PTPN9: variants seen among roughly 807,000 people sequenced by gnomAD.
PTPN9 encodes tyrosine-protein phosphatase non-receptor type 9.
In PTPN9, 26 loss-of-function variants were observed where a neutral mutation model predicts 69.8. The observed-to-expected ratio is 0.37, with a 90% CI of 0.27 to 0.52. The LOEUF is 0.52. PTPN9 is among the 20% of genes least tolerant of loss of function. The pLI is 0.91. For synonymous variants in PTPN9, 274 were observed against 272.5 expected (o/e 1.01, Z -0.05); for missense variants, 549 against 740.3 (o/e 0.74, Z 3.00).
intron 1 of PTPN9, among the ~76,000 whole-genome samples, chr15:75,527,795 G>A (rs1283831748): frequency 6.6e-6 from 1 of 151,762 alleles, no homozygotes; most frequent in African/African-American, 2.4e-5. Context: ...GGCAGAGGTT[G>A]CAGTGAGCTG....
intron 9 of PTPN9, among the ~76,000 whole-genome samples, chr15:75,476,079 G>A (rs1444209957): frequency 1.3e-5 from 2 of 152,132 alleles, no homozygotes; most frequent in Non-Finnish European, 2.9e-5. Flanking sequence ...GAGAGGCCAA[G>A]GCTGCATTGA....
chr15:75,548,086 C>G (rs2075041639), intron 1 of PTPN9, among the ~76,000 whole-genome samples: 2 of 152,034 alleles, frequency 1.3e-5, no homozygotes, highest in Admixed American at 6.6e-5. Flanking sequence ...GTTGAGAAAA[C>G]AGATTTCGAA....
chr15:75,528,583 A>G (rs1287877540), intron 1 of PTPN9, among the ~76,000 whole-genome samples: 1 of 151,858 alleles, frequency 6.6e-6, no homozygotes, highest in Non-Finnish European at 1.5e-5. Context: ...TAGTAGAGAC[A>G]AGGTCTCACT....
intron 7 of PTPN9, among the ~76,000 whole-genome samples, chr15:75,497,807 A>G (rs969130623): frequency 2.0e-4 from 30 of 151,498 alleles, no homozygotes; most frequent in African/African-American, 7.3e-4. Flanking sequence ...TGTCTCAAAA[A>G]AAAAAAAAAA....
chr15:75,530,242 A>G (rs950959381), intron 1 of PTPN9, among the ~76,000 whole-genome samples: 6 of 143,842 alleles, frequency 4.2e-5, no homozygotes, highest in Non-Finnish European at 9.0e-5. Context: ...GAAAGAAAGA[A>G]AAAGAAAGGG....
In PTPN9 at chr15:75,578,882, G is replaced by T; in HGVS notation, c.-106C>A. 2.6e-6 allele frequency: 2 copies of T among 774,616 alleles called. No homozygotes were observed. The highest frequency in any genetic ancestry group is 3.4e-6 in the Non-Finnish European group (2 of 589,250). The allele number at this position is 774,616 out of a possible 1,614,324, so 48.0% of individuals were successfully genotyped here. On this transcript the variant is annotated 5_prime_UTR_variant, in exon 1 of 13. Transcript: ENST00000618819. ...CCCGCGCCTCAGCAGCCCGGGGCCG[G>T]CTCGCGCATAGTGTGGCCGGCAGGG...
intron 9 of PTPN9, among the ~76,000 whole-genome samples, chr15:75,477,698 T>A (rs1318372795): frequency 2.6e-5 from 4 of 152,086 alleles, no homozygotes; most frequent in African/African-American, 4.8e-5. Context: ...GACCTCCTCC[T>A]ATAGAACATT....
rs2074816451 is a variant in PTPN9 at position 75,505,790 on chromosome 15, C to T, written c.853G>A (p.Ala285Thr). 2 of 1,614,086 alleles carry T rather than the reference C, an allele frequency of 1.2e-6. No individual in the cohort carries two copies. Among genetic ancestry groups the T allele is most frequent in the Non-Finnish European group, 1.7e-6 (2 of 1,179,962 alleles). Residue 285 changes from alanine (A) to threonine (T), a missense_variant, in exon 7 of 13, where the codon GCT (alanine) becomes ACT (threonine). Ala to Thr is a moderately conservative substitution (Grantham distance 58). Transcript: ENST00000618819. Reference protein sequence around the residue: ...WDSVHVPGPHAMTIQELVDYV... With the variant: ...WDSVHVPGPHTMTIQELVDYV... ...TCCACCAACTCTTGGATGGTCATAG[C>T]ATGGGGACCTGGAACATGTACTGAG...
intron 8 of PTPN9, among the ~76,000 whole-genome samples, chr15:75,480,192 ACT>A (rs2074620454): frequency 1.3e-5 from 2 of 152,050 alleles, no homozygotes; most frequent in Admixed American, 1.3e-4. Context: ...AACTATTAAA[ACT>A]CTCAGAATAA....
At chr15:75,496,161 C>T (rs925310757) in intron 7 of PTPN9, among the ~76,000 whole-genome samples, 4 of 143,398 alleles carry the variant, frequency 2.8e-5, no homozygotes, top group Non-Finnish European at 3.0e-5. Context: ...AAAGGCTGGA[C>T]GTAGTGGTTC....
At chr15:75,532,031 T>A (rs2074966305) in intron 1 of PTPN9, among the ~76,000 whole-genome samples, 1 of 152,152 alleles carries the variant, frequency 6.6e-6, no homozygotes, top group Non-Finnish European at 1.5e-5. Context: ...TAAATCAATG[T>A]ATAAGTAGAA....
chr15:75,473,565 C>T, intron 10 of PTPN9, 124 bp downstream of exon 10: 1 of 823,800 alleles, frequency 1.2e-6, no homozygotes, highest in Non-Finnish European at 2.0e-6. Context: ...GCTGGGATTA[C>T]AGGCGTGAGC....
In PTPN9 at chr15:75,524,306, G is replaced by A. The variant is rs373284531; in HGVS notation, c.208-8C>T. ...TTCCTTCCTTCGAGTTTCCTAAAAAGGAAGCACAGCAAAATGTATTAATAT... is the reference window on the plus strand; with the variant it reads ...TTCCTTCCTTCGAGTTTCCTAAAAAAGAAGCACAGCAAAATGTATTAATAT... On this transcript the variant is annotated splice_region_variant and splice_polypyrimidine_tract_variant and intron_variant, in intron 2 of 12. Transcript: ENST00000618819. 3.8e-6 allele frequency: 6 copies of A among 1,574,194 alleles called. No homozygotes were observed. In the African/African-American group the frequency reaches 4.0e-5, roughly 11 times the overall value.
chr15:75,490,953 C>CA (rs932256160), intron 7 of PTPN9, among the ~76,000 whole-genome samples: 1 of 151,658 alleles, frequency 6.6e-6, no homozygotes, highest in Non-Finnish European at 1.5e-5. Context: ...AGAGAGAAGT[C>CA]AAAAAATTAG....
At chr15:75,532,195 G>A (rs1305424013) in intron 1 of PTPN9, among the ~76,000 whole-genome samples, 3 of 151,978 alleles carry the variant, frequency 2.0e-5, no homozygotes, top group South Asian at 2.1e-4. Context: ...TCAGGGGTTC[G>A]AGACCAGCCT....
intron 7 of PTPN9, among the ~76,000 whole-genome samples, chr15:75,495,676 C>T (rs1409535180): frequency 3.9e-5 from 6 of 152,002 alleles, no homozygotes; most frequent in African/African-American, 1.4e-4. Flanking sequence ...GAGATCGCGC[C>T]ACTACACTCC....
At chr15:75,543,175 G>A (rs1450937612) in intron 1 of PTPN9, among the ~76,000 whole-genome samples, 1 of 151,840 alleles carries the variant, frequency 6.6e-6, no homozygotes, top group Non-Finnish European at 1.5e-5. Flanking sequence ...CAAAGGACAT[G>A]AACTCATCAT....
chr15:75,485,011 T>G (rs1046088364), intron 8 of PTPN9, among the ~76,000 whole-genome samples: 10 of 152,148 alleles, frequency 6.6e-5, no homozygotes, highest in African/African-American at 2.4e-4. Context: ...AATAGTGGAG[T>G]GATAAACTCG....
At chr15:75,529,785 C>T (rs1302498399) in intron 1 of PTPN9, among the ~76,000 whole-genome samples, 1 of 151,778 alleles carries the variant, frequency 6.6e-6, no homozygotes, top group Admixed American at 6.6e-5. Flanking sequence ...TGGTGCATGT[C>T]TGTAATCCCA....
Sources: gnomAD v4.1 joint callset for allele counts (sites outside exome capture counted in the v4.1 genomes callset) on GRCh38, gnomAD v4.1.1 for gene constraint, MANE v1.5 for transcripts, NCBI Gene and HGNC (gene_info 2026-07-23, HGNC 2026-07-21) for gene names.